AGBL4: variants seen among roughly 807,000 people sequenced by gnomAD.
The protein encoded by AGBL4 is AGBL carboxypeptidase 4.
A neutral mutation model predicts 66.4 loss-of-function variants in AGBL4; 58 were observed. The ratio of observed to expected loss-of-function variants is 0.87; its 90% CI spans 0.71 to 1.09. The LOEUF (loss-of-function observed/expected upper bound fraction) is 1.09, where lower values mean the gene tolerates loss of function less well. Ranked by LOEUF, AGBL4 falls within the 50% of genes least tolerant of loss-of-function variation. The pLI is 0.00. For synonymous variants in AGBL4, 234 were observed against 222.9 expected, an observed-to-expected ratio of 1.05 and a Z score of -0.44; for missense variants, 579 against 631.0, an observed-to-expected ratio of 0.92 and a Z score of 0.88.
intron 1 of AGBL4, among the ~76,000 whole-genome samples, chr1:49,919,063 T>C (rs980576618): frequency 2.6e-5 from 4 of 152,174 alleles, no homozygotes; most frequent in African/African-American, 9.7e-5. Flanking sequence ...CTCAATAAAT[T>C]CGGTATTGAT....
chr1:48,939,234 T>A lies in AGBL4; in HGVS notation c.595-72004A>T, dbSNP rs538164389. ...TTCCTGGCACAAAGGAGTTAACTATTTGCTAAAAGAATGTCTTGGCAATTA... is the reference window on the plus strand; with the variant it reads ...TTCCTGGCACAAAGGAGTTAACTATATGCTAAAAGAATGTCTTGGCAATTA... On this transcript the variant is annotated intron_variant, in intron 5 of 13. Transcript: ENST00000371839. Among the ~76,000 whole-genome samples the A allele has an allele frequency of 2.6e-5, 4 of 152,316 alleles. 1 individual carries two copies. In the South Asian group the frequency reaches 8.3e-4, roughly 32 times the overall value.
At chr1:49,011,021 T>C (rs2149005945) in intron 5 of AGBL4, among the ~76,000 whole-genome samples, 1 of 152,046 alleles carries the variant, frequency 6.6e-6, no homozygotes, top group African/African-American at 2.4e-5. Context: ...AAAGACAAAA[T>C]TGACAAATGG....
intron 3 of AGBL4, among the ~76,000 whole-genome samples, chr1:49,346,182 G>C (rs1645630626): frequency 1.3e-5 from 2 of 152,100 alleles, no homozygotes; most frequent in African/African-American, 2.4e-5. Flanking sequence ...CTAGAGAGAG[G>C]AAAATTATGT....
intron 2 of AGBL4, among the ~76,000 whole-genome samples, chr1:49,739,998 C>G (rs1281734947): frequency 2.0e-5 from 3 of 152,132 alleles, no homozygotes; most frequent in Non-Finnish European, 4.4e-5. Flanking sequence ...CATCAACTAA[C>G]AAGCAAAATA....
At chr1:49,026,227 G>A (rs752670493) in intron 5 of AGBL4, among the ~76,000 whole-genome samples, 9 of 152,174 alleles carry the variant, frequency 5.9e-5, no homozygotes, top group Non-Finnish European at 1.0e-4. Context: ...TGCCCTAGAA[G>A]AAGAAAGGGA....
At chr1:48,565,879 T>C (rs986772421) in intron 11 of AGBL4, among the ~76,000 whole-genome samples, 2 of 152,164 alleles carry the variant, frequency 1.3e-5, no homozygotes, top group African/African-American at 4.8e-5. Flanking sequence ...TGAGAAGTCA[T>C]TAGGGAGGAG....
intron 1 of AGBL4, among the ~76,000 whole-genome samples, chr1:49,885,562 C>T (rs1395579304): frequency 6.6e-6 from 1 of 151,960 alleles, no homozygotes; most frequent in African/African-American, 2.4e-5. Flanking sequence ...ACATAGTCTA[C>T]AACACAAACA....
At chr1:49,947,647 C>T (rs1478571214) in intron 1 of AGBL4, among the ~76,000 whole-genome samples, 1 of 151,264 alleles carries the variant, frequency 6.6e-6, no homozygotes, top group African/African-American at 2.4e-5. Context: ...ACAAGGATGC[C>T]CACTCTCACC....
chr1:48,617,263 C>T (rs918772619), intron 9 of AGBL4, among the ~76,000 whole-genome samples: 104 of 152,142 alleles, frequency 6.8e-4, no homozygotes, highest in African/African-American at 2.3e-3. Context: ...CAAAATGAAC[C>T]GCAGCAAAAT....
downstream of AGBL4, among the ~76,000 whole-genome samples, chr1:48,530,750 T>C (rs975788406): frequency 2.0e-5 from 3 of 152,170 alleles, no homozygotes; most frequent in Non-Finnish European, 4.4e-5. Context: ...GAGAGTTGTG[T>C]GAGAGCCAGG....
intron 5 of AGBL4, among the ~76,000 whole-genome samples, chr1:48,943,011 C>T (rs893867425): frequency 4.1e-4 from 62 of 152,290 alleles, no homozygotes; most frequent in African/African-American, 1.5e-3. Flanking sequence ...ATCATCTTTT[C>T]CCCTTTATCG....
chr1:48,653,323 C>A lies in AGBL4; in HGVS notation c.839+14G>T. The stretch of plus-strand genomic sequence containing the variant: ...ATAAGTACTTGCTTCCAAGCATTCT[C>A]CCCAATTCCTTACCTGTAATTGCCC... On this transcript the variant is annotated intron_variant, in intron 8 of 13. Coordinates refer to ENST00000371839, the MANE Select transcript of AGBL4 (RefSeq NM_032785.4). The A allele has an allele frequency of 6.5e-7, 1 of 1,546,424 alleles. No homozygotes were observed. The highest frequency in any genetic ancestry group is 1.2e-5 in the South Asian group (1 of 83,628).
rs551127560 is a variant in AGBL4 at position 49,881,714 on chromosome 1, G to T, written c.35-30196C>A. ...TGAGAAGTGTCTGTTCATGTCCCTC[G>T]CCCACTTTTTGATGGGGTTGTTTGT... is the stretch of plus-strand genomic sequence containing the variant. On this transcript the variant is annotated intron_variant, in intron 1 of 13. Coordinates refer to ENST00000371839, the MANE Select transcript of AGBL4 (RefSeq NM_032785.4). Among the ~76,000 whole-genome samples the T allele has an allele frequency of 1.5e-3, 231 of 150,794 alleles. 1 individual carries two copies. The highest frequency in any genetic ancestry group is 4.8e-3 in the African/African-American group (196 of 40,880).
chr1:48,560,905 C>A (rs1644386680), intron 11 of AGBL4, among the ~76,000 whole-genome samples: 1 of 152,222 alleles, frequency 6.6e-6, no homozygotes, highest in Non-Finnish European at 1.5e-5. Context: ...GTGTAGCTCT[C>A]ATTCTTCATT....
chr1:49,172,430 T>A (rs1257756304), intron 4 of AGBL4, among the ~76,000 whole-genome samples: 1 of 152,164 alleles, frequency 6.6e-6, no homozygotes, highest in Non-Finnish European at 1.5e-5. Flanking sequence ...AAAGCTTCCC[T>A]GAGAAGATTA....
intron 3 of AGBL4, among the ~76,000 whole-genome samples, chr1:49,658,754 A>C (rs1646205268): frequency 6.6e-6 from 1 of 152,104 alleles, no homozygotes; most frequent in Non-Finnish European, 1.5e-5. Context: ...AAACTATCGC[A>C]AGGACAAAAA....
intron 3 of AGBL4, among the ~76,000 whole-genome samples, chr1:49,509,123 C>T (rs971814048): frequency 1.3e-5 from 2 of 151,574 alleles, no homozygotes; most frequent in Admixed American, 6.6e-5. Flanking sequence ...GAGGTGGGGG[C>T]AGGGAGGATC....
intron 4 of AGBL4, among the ~76,000 whole-genome samples, chr1:49,171,610 A>G (rs2148164518): frequency 6.6e-6 from 1 of 152,316 alleles, no homozygotes; most frequent in Non-Finnish European, 1.5e-5. Context: ...TAGTCATTCC[A>G]CTGACCATCA....
chr1:49,448,119 A>G (rs1257789070), intron 3 of AGBL4, among the ~76,000 whole-genome samples: 1 of 152,180 alleles, frequency 6.6e-6, no homozygotes. Flanking sequence ...AACTTCAGGT[A>G]AGAGACCTAA....
Sources: allele counts gnomAD v4.1 joint callset (sites outside exome capture counted in the v4.1 genomes callset), GRCh38; gene constraint gnomAD v4.1.1; transcripts MANE v1.5; gene names NCBI Gene and HGNC (gene_info 2026-07-23, HGNC 2026-07-21).